KIAA1328: variants seen among roughly 807,000 people sequenced by gnomAD.
KIAA1328 encodes the protein KIAA1328, also known as protein hinderin.
KIAA1328 carries 52 observed loss-of-function variants against 68.1 expected under a neutral mutation model. That is an observed-to-expected ratio of 0.76 (90% CI 0.61 to 0.96). KIAA1328 has a LOEUF of 0.96. Among genes scored for constraint, KIAA1328 ranks in the 40% least tolerant of loss-of-function variants. KIAA1328 has a pLI of 0.00. For synonymous variants in KIAA1328, 232 were observed against 239.4 expected (o/e 0.97, Z 0.28); for missense variants, 641 against 677.6 (o/e 0.95, Z 0.60).
At chr18:37,145,294 C>G (rs1046397823) in intron 7 of KIAA1328, among the ~76,000 whole-genome samples, 5 of 151,978 alleles carry the variant, frequency 3.3e-5, no homozygotes, top group Non-Finnish European at 5.9e-5. Context: ...TTTAGTTTAA[C>G]TCCAGTGTGG....
intron 7 of KIAA1328, among the ~76,000 whole-genome samples, chr18:37,142,607 A>T (rs1011089625): frequency 9.2e-5 from 14 of 152,028 alleles, no homozygotes; most frequent in African/African-American, 3.4e-4. Context: ...ATGTGTACAC[A>T]CACACACACA....
intron 4 of KIAA1328, among the ~76,000 whole-genome samples, chr18:36,883,808 T>G (rs72887014): frequency 0.14 from 20,614 of 151,992 alleles, 1,740 homozygotes; most frequent in Admixed American, 0.18. Context: ...GTCTTTATAC[T>G]TTTTAATATT....
chr18:36,997,265 C>G (rs1296590172), intron 6 of KIAA1328, among the ~76,000 whole-genome samples: 1 of 152,140 alleles, frequency 6.6e-6, no homozygotes, highest in African/African-American at 2.4e-5. Flanking sequence ...TGATTTAACA[C>G]TTGTGATTTA....
At chr18:37,168,326 C>T (rs927902414) in intron 8 of KIAA1328, among the ~76,000 whole-genome samples, 1 of 152,140 alleles carries the variant, frequency 6.6e-6, no homozygotes, top group Non-Finnish European at 1.5e-5. Context: ...CCTTACCACA[C>T]GTAATTACAA....
At chr18:36,968,967 A>T (rs1266229249) in intron 6 of KIAA1328, among the ~76,000 whole-genome samples, 1 of 152,230 alleles carries the variant, frequency 6.6e-6, no homozygotes, top group Non-Finnish European at 1.5e-5. Flanking sequence ...TAAAAATAGA[A>T]TTCAAGACCA....
intron 4 of KIAA1328, among the ~76,000 whole-genome samples, chr18:36,859,561 C>A (rs1022036935): frequency 7.6e-6 from 1 of 131,852 alleles, no homozygotes; most frequent in East Asian, 2.7e-4. Flanking sequence ...ACCTCCCTGT[C>A]TCCCTCTCTC....
intron 9 of KIAA1328, among the ~76,000 whole-genome samples, chr18:37,194,053 GA>G (rs2059958312): frequency 6.6e-6 from 1 of 152,162 alleles, no homozygotes. Flanking sequence ...ACTCTTTTGT[GA>G]TTGCAAACAC....
intron 7 of KIAA1328, among the ~76,000 whole-genome samples, chr18:37,077,895 C>T (rs550489379): frequency 2.6e-5 from 4 of 151,790 alleles, no homozygotes; most frequent in South Asian, 2.1e-4. Flanking sequence ...TGAAAATGGC[C>T]GTACTGCCCA....
chr18:36,977,364 T>C (rs1568242472), intron 6 of KIAA1328, among the ~76,000 whole-genome samples: 2 of 152,324 alleles, frequency 1.3e-5, no homozygotes, highest in South Asian at 4.1e-4. Flanking sequence ...TTTGTCAATC[T>C]ATTGCTCTGT....
At chr18:37,213,329 T>C (rs921357748) in intron 9 of KIAA1328, among the ~76,000 whole-genome samples, 15 of 152,000 alleles carry the variant, frequency 9.9e-5, no homozygotes, top group Admixed American at 9.8e-4. Context: ...CCCGAGTGTG[T>C]GATGTTCCCC....
chr18:36,859,330 A>T (rs1265127086), intron 4 of KIAA1328, among the ~76,000 whole-genome samples: 1 of 150,080 alleles, frequency 6.7e-6, no homozygotes, highest in Admixed American at 6.6e-5. Context: ...TATTAAATTT[A>T]TGTTTGTTGG....
At chr18:36,839,974 G>T (rs2046804970) in intron 3 of KIAA1328, among the ~76,000 whole-genome samples, 1 of 152,164 alleles carries the variant, frequency 6.6e-6, no homozygotes, top group Non-Finnish European at 1.5e-5. Flanking sequence ...GACGCGAAGG[G>T]ATTCTGCAGA....
chr18:36,939,956 C>T (rs1007059993), intron 5 of KIAA1328, among the ~76,000 whole-genome samples: 1 of 151,966 alleles, frequency 6.6e-6, no homozygotes, highest in East Asian at 1.9e-4. Flanking sequence ...AACATTTAGA[C>T]ATATTTAGTC....
chr18:37,104,183 A>G (rs1265176532), intron 7 of KIAA1328, among the ~76,000 whole-genome samples: 2 of 152,204 alleles, frequency 1.3e-5, no homozygotes, highest in African/African-American at 4.8e-5. Flanking sequence ...ATCCAAAGGA[A>G]AGGAAATCAG....
At chr18:37,209,527 G>A (rs531591145) in intron 9 of KIAA1328, among the ~76,000 whole-genome samples, 1 of 152,192 alleles carries the variant, frequency 6.6e-6, no homozygotes, top group South Asian at 2.1e-4. Context: ...AAGCAATAAG[G>A]TGACTGTGGA....
chr18:36,866,705 G>A (rs913277960), intron 4 of KIAA1328, among the ~76,000 whole-genome samples: 25 of 152,064 alleles, frequency 1.6e-4, no homozygotes, highest in Non-Finnish European at 2.9e-5. Flanking sequence ...TCATAAAAAA[G>A]TATTAATAGA....
intron 6 of KIAA1328, among the ~76,000 whole-genome samples, chr18:37,054,030 A>C (rs1479208087): frequency 6.6e-6 from 1 of 152,340 alleles, no homozygotes; most frequent in Admixed American, 6.5e-5. Context: ...GAAGATATGT[A>C]AGTGGCCAAG....
At chr18:36,905,030 T>G (rs535839909) in intron 5 of KIAA1328, among the ~76,000 whole-genome samples, 1 of 152,002 alleles carries the variant, frequency 6.6e-6, no homozygotes, top group South Asian at 2.1e-4. Context: ...CATTTTAATT[T>G]TATACCCGTA....
intron 6 of KIAA1328, among the ~76,000 whole-genome samples, chr18:37,059,350 AAAAC>A (rs1376326390): frequency 6.6e-6 from 1 of 152,182 alleles, no homozygotes; most frequent in African/African-American, 2.4e-5. Context: ...TTACATGAAA[AAAAC>A]AACCCCATCA....
Sources: allele counts gnomAD v4.1 joint callset (sites outside exome capture counted in the v4.1 genomes callset), GRCh38; gene constraint gnomAD v4.1.1; transcripts MANE v1.5; gene names NCBI Gene and HGNC (gene_info 2026-07-23, HGNC 2026-07-21).